Variants in DYM observed in about 807,000 individuals in gnomAD.
DYM encodes the protein dyggve-Melchior-Clausen syndrome protein.
In DYM, 78 loss-of-function variants were observed where a neutral mutation model predicts 93.1. That is an observed-to-expected ratio of 0.84 (90% CI 0.70 to 1.01). DYM has a LOEUF of 1.01. Ranked by LOEUF, DYM falls within the 50% of genes least tolerant of loss-of-function variation. The pLI, the probability that DYM is intolerant of heterozygous loss-of-function variation, is 0.00. For synonymous variants in DYM, 321 were observed against 319.7 expected (o/e 1.00, Z -0.04); for missense variants, 789 against 845.0 (o/e 0.93, Z 0.82).
intron 6 of DYM, among the ~76,000 whole-genome samples, chr18:49,348,023 A>T (rs2064752065): frequency 6.6e-6 from 1 of 152,234 alleles, no homozygotes; most frequent in African/African-American, 2.4e-5. Context: ...TATTAATTTC[A>T]TGTGAAGAAA....
At chr18:49,133,243 C>A (rs2083534127) in intron 15 of DYM, among the ~76,000 whole-genome samples, 2 of 152,138 alleles carry the variant, frequency 1.3e-5, no homozygotes, top group Non-Finnish European at 2.9e-5. Context: ...CCCTACAATT[C>A]TAATATTAGA....
At chr18:49,332,619 A>C (rs504246) in intron 7 of DYM, among the ~76,000 whole-genome samples, 107,728 of 152,070 alleles carry the variant, frequency 0.71, 38,301 homozygotes, top group Admixed American at 0.76. Flanking sequence ...TTCCTGCAAT[A>C]TAGAGTAAAC....
chr18:49,424,855 C>G (rs1220776846), intron 2 of DYM, among the ~76,000 whole-genome samples: 1 of 152,068 alleles, frequency 6.6e-6, no homozygotes, highest in Admixed American at 6.6e-5. Context: ...AAGACCTCTT[C>G]AAGGAGAATT....
rs999405921 is a variant in DYM at position 49,460,396 on chromosome 18, A to T, written c.-54+2T>A. On this transcript the variant is annotated splice_donor_variant, in intron 1 of 17. Transcript: ENST00000675505. LOFTEE classifies it low-confidence loss of function (5UTR_SPLICE). The stretch of plus-strand genomic sequence containing the variant: ...GCTGAGGGGGGCGGCGCTACAGCCC[A>T]CCTGTCTCAGCCGGCTGGGGGATCT... 1 of 152,130 alleles carries T rather than the reference A, an allele frequency of 6.6e-6. No homozygotes were observed. The highest frequency in any genetic ancestry group is 2.4e-5 in the African/African-American group (1 of 41,418). The allele number at this position is 152,130 out of a possible 1,614,324, so 9.4% of individuals were successfully genotyped here.
chr18:49,060,386 C>T (rs763677744), intron 17 of DYM, among the ~76,000 whole-genome samples: 7 of 152,104 alleles, frequency 4.6e-5, no homozygotes, highest in South Asian at 4.2e-4. Context: ...AGTGCTGGTG[C>T]GGATGCTTCC....
At chr18:49,400,823 G>A (rs2070728085) in intron 2 of DYM, among the ~76,000 whole-genome samples, 1 of 151,990 alleles carries the variant, frequency 6.6e-6, no homozygotes, top group African/African-American at 2.4e-5. Context: ...CTATAATGAG[G>A]TAGTAAGGAA....
chr18:49,119,985 G>T (rs1354614661), intron 15 of DYM, among the ~76,000 whole-genome samples: 1 of 151,392 alleles, frequency 6.6e-6, no homozygotes, highest in Non-Finnish European at 1.5e-5. Flanking sequence ...AGGCTGAGGG[G>T]GGAGGATGGC....
intron 14 of DYM, among the ~76,000 whole-genome samples, chr18:49,178,509 T>C (rs981856675): frequency 1.3e-5 from 2 of 152,194 alleles, no homozygotes; most frequent in Non-Finnish European, 2.9e-5. Flanking sequence ...TAGTGAAACA[T>C]ACTTTTGTTA....
chr18:49,207,891 G>C (rs1488326788), intron 14 of DYM, among the ~76,000 whole-genome samples: 2 of 152,074 alleles, frequency 1.3e-5, no homozygotes, highest in South Asian at 4.1e-4. Flanking sequence ...TAGTAAATAA[G>C]AGTAAGGTCG....
chr18:49,290,812 A>C (rs905713092), intron 8 of DYM, among the ~76,000 whole-genome samples: 1 of 152,098 alleles, frequency 6.6e-6, no homozygotes, highest in Non-Finnish European at 1.5e-5. Flanking sequence ...GCTTCAGGAG[A>C]GTCTCAGACT....
chr18:49,390,917 A>T (rs4939866), intron 3 of DYM: 144,814 of 154,214 alleles, frequency 0.94, 68,071 homozygotes, highest in East Asian at 1. Context: ...AATCTAAGTA[A>T]AACTGCCTGC....
At chr18:49,305,018 G>T (rs1327455095) in intron 8 of DYM, among the ~76,000 whole-genome samples, 1 of 152,084 alleles carries the variant, frequency 6.6e-6, no homozygotes, top group African/African-American at 2.4e-5. Context: ...CCACTTCCCA[G>T]CATTCAGGTC....
intron 14 of DYM, among the ~76,000 whole-genome samples, chr18:49,209,315 A>T (rs1246275790): frequency 2.6e-5 from 4 of 152,242 alleles, no homozygotes; most frequent in Non-Finnish European, 4.4e-5. Flanking sequence ...AAGTTTATAT[A>T]GACAACTCTG....
chr18:49,371,136 A>G (rs2067002634), intron 5 of DYM, among the ~76,000 whole-genome samples: 1 of 152,210 alleles, frequency 6.6e-6, no homozygotes, highest in African/African-American at 2.4e-5. Context: ...CTAACATGGC[A>G]TCAGGTGTTA....
chr18:49,071,617 G>A (rs563155878), intron 17 of DYM, among the ~76,000 whole-genome samples: 2 of 152,296 alleles, frequency 1.3e-5, no homozygotes, highest in East Asian at 1.9e-4. Flanking sequence ...TTAGCAAATC[G>A]GAGCTACAAC....
chr18:49,118,813 G>C lies in DYM; in HGVS notation c.1842C>G (p.Tyr614Ter). The C allele has an allele frequency of 1.2e-6, 2 of 1,614,116 alleles. No homozygotes were observed. Among genetic ancestry groups the C allele is most frequent in the South Asian group, 2.2e-5 (2 of 91,082 alleles). Residue 614 changes from tyrosine (Y) to a stop codon, truncating the protein, a stop_gained, in exon 16 of 18, where the codon TAC (tyrosine) becomes TAG (stop). Transcript: ENST00000675505. LOFTEE classifies it high-confidence loss of function. ...HNPNLVYALL[Y>*]KRDLFEQFRT... ...GAAATTGTTCAAAGAGATCGCGTTTGTAAAGCAGGGCGTATACCAAGTTTG... is the reference window on the plus strand; with the variant it reads ...GAAATTGTTCAAAGAGATCGCGTTTCTAAAGCAGGGCGTATACCAAGTTTG...
chr18:49,403,024 G>A lies in DYM; in HGVS notation c.141-11379C>T, dbSNP rs531443169. Among the ~76,000 whole-genome samples the A allele has an allele frequency of 3.9e-5, 6 of 152,310 alleles. No homozygotes were observed. The South Asian group carries it at 1.0e-3, about 26-fold the overall frequency. ...ACAGCTATGAAGATGATATGGCAATGTGTGGAAAGTGCCCAGCACACAGCT... is the reference window on the plus strand; with the variant it reads ...ACAGCTATGAAGATGATATGGCAATATGTGGAAAGTGCCCAGCACACAGCT... On this transcript the variant is annotated intron_variant, in intron 2 of 17. Transcript: ENST00000675505.
rs833519 is a variant in DYM, at chr18:49,037,943, G to C, written c.*6112C>G. On this transcript the variant is annotated 3_prime_UTR_variant, in exon 18 of 18. Coordinates refer to ENST00000675505, the MANE Select transcript of DYM (RefSeq NM_001353214.3). The stretch of plus-strand genomic sequence containing the variant: ...GGGCACAAGTGATTCTCCTGCCTCA[G>C]CTTCCCAAGTAGCTGGGGCTATAGG... Among the ~76,000 whole-genome samples, 102,748 of 152,020 alleles carry C rather than the reference G, an allele frequency of 0.68. 36,138 individuals are homozygous for C. Among genetic ancestry groups the C allele is most frequent in the Middle Eastern group, 0.8 (236 of 294 alleles).
intron 10 of DYM, among the ~76,000 whole-genome samples, chr18:49,272,780 AT>A (rs1028840190): frequency 9.2e-5 from 14 of 152,254 alleles, no homozygotes; most frequent in Admixed American, 8.5e-4. Context: ...CCCAAGGTGC[AT>A]TTTCTCAACA....
Sources: gnomAD v4.1 joint callset for allele counts (sites outside exome capture counted in the v4.1 genomes callset) on GRCh38, gnomAD v4.1.1 for gene constraint, MANE v1.5 for transcripts, NCBI Gene and HGNC (gene_info 2026-07-23, HGNC 2026-07-21) for gene names.